The following ACACB variants were observed in gnomAD, a reference collection of about 807,000 sequenced individuals.
The protein encoded by ACACB is acetyl-CoA carboxylase beta, also known as acetyl-CoA carboxylase 2.
In ACACB, 209 loss-of-function variants were observed where a neutral mutation model predicts 278.8. The ratio of observed to expected loss-of-function variants is 0.75; its 90% confidence interval spans 0.67 to 0.84. The LOEUF is 0.84. ACACB is among the 40% of genes least tolerant of loss of function. ACACB has a pLI of 0.00. For synonymous variants in ACACB, 1,174 were observed against 1,285.6 expected, an observed-to-expected ratio of 0.91 and a Z score of 1.86; for missense variants, 2,850 against 3,269.0, an observed-to-expected ratio of 0.87 and a Z score of 3.13.
At chr12:109,214,726 C>CA (rs59107629) in intron 22 of ACACB, among the ~76,000 whole-genome samples, 2,711 of 152,276 alleles carry the variant, frequency 0.018, 96 homozygotes, top group African/African-American at 0.063. Flanking sequence ...TACTTCCCCA[C>CA]AACTCAGTGG....
At chr12:109,254,059 G>A (rs1180516072) in intron 43 of ACACB, among the ~76,000 whole-genome samples, 155 bp from the exon 44 acceptor site, 2 of 152,124 alleles carry the variant, frequency 1.3e-5, no homozygotes, top group Non-Finnish European at 2.9e-5. Context: ...GTCCTTATCT[G>A]GCATTTTCCA....
intron 13 of ACACB, 53 bp downstream of exon 13, chr12:109,188,215 TTCCTTC>T: frequency 5.7e-6 from 8 of 1,397,756 alleles, no homozygotes; most frequent in Non-Finnish European, 7.8e-6. Flanking sequence ...CCTTCCTTCC[TTCCTTC>T]CTTCCTTCCT....
In ACACB at chr12:109,145,391, C is replaced by A. The variant is rs567820203; in HGVS notation, c.653+5333C>A. Among the ~76,000 whole-genome samples the A allele has an allele frequency of 2.0e-5, 3 of 152,230 alleles. No homozygotes were observed. The East Asian group carries it at 5.8e-4, about 29-fold the overall frequency. On this transcript the variant is annotated intron_variant, in intron 2 of 52. Transcript: ENST00000338432. The stretch of plus-strand genomic sequence containing the variant: ...CCCAGTGGTGAAGCCTGGGCTTTTA[C>A]GAGCCATTGCTTGCATAGTGTACAT...
At position 109,145,836 on chromosome 12, in the gene ACACB, TA is replaced by T. The variant is rs758373369; in HGVS notation, c.653+5793del. ...CAACACGGCAAAACCCCATCTCTAC[TA>T]AAAAAAAAAAAAAATAGAAAAATTA... On this transcript the variant is annotated intron_variant, in intron 2 of 52. Coordinates refer to ENST00000338432, the MANE Select transcript of ACACB (RefSeq NM_001093.4). Among the ~76,000 whole-genome samples the T allele has an allele frequency of 5.8e-3, 787 of 134,822 alleles. 3 individuals carry two copies. Among genetic ancestry groups the T allele is most frequent in the Non-Finnish European group, 6.5e-3 (404 of 61,916 alleles). The allele number at this position is 134,822 out of a possible 152,430, so 88.4% of individuals were successfully genotyped here. A position where few individuals can be genotyped will look rare whatever the true frequency, so the allele number is the denominator to read the frequency against.
chr12:109,158,366 A>AT (rs34705590), intron 2 of ACACB, among the ~76,000 whole-genome samples: 7 of 147,808 alleles, frequency 4.7e-5, no homozygotes, highest in South Asian at 2.1e-4. Flanking sequence ...GATTCTTTTG[A>AT]TTTTTTTTTT....
intron 45 of ACACB, among the ~76,000 whole-genome samples, chr12:109,256,996 G>A (rs996474064): frequency 5.9e-5 from 9 of 152,318 alleles, no homozygotes; most frequent in Admixed American, 1.3e-4. Flanking sequence ...AGCCAGGGCC[G>A]GGCGTGGCAG....
chr12:109,187,301 C>T (rs2044695922), intron 12 of ACACB, among the ~76,000 whole-genome samples: 1 of 152,128 alleles, frequency 6.6e-6, no homozygotes, highest in South Asian at 2.1e-4. Context: ...CCTGTCTTCA[C>T]TTCTATTTAA....
chr12:109,260,567 C>G lies in ACACB; in HGVS notation c.6584C>G (p.Pro2195Arg). The change falls in exon 48 of 53, where the codon CCC (proline) becomes CGC (arginine). Residue 2195 changes from proline (P) to arginine (R), a missense_variant. Physicochemically the swap from Pro to Arg is moderately radical, Grantham distance 103. Coordinates refer to ENST00000338432, the MANE Select transcript of ACACB (RefSeq NM_001093.4). Reference sequence around the variant, plus strand: ...CAGCCCATCCTGATCTATATCCCGCCCTATGCGGAGCTCCGGGGAGGCTCC... The same window carrying G: ...CAGCCCATCCTGATCTATATCCCGCGCTATGCGGAGCTCCGGGGAGGCTCC... ...YKQPILIYIP[P>R]YAELRGGSWV... is the part of the protein sequence containing the mutation. The G allele has an allele frequency of 6.2e-7, 1 of 1,614,086 alleles. No homozygotes were observed. Among genetic ancestry groups the G allele is most frequent in the Non-Finnish European group, 8.5e-7 (1 of 1,179,984 alleles).
At chr12:109,151,945 A>G (rs1168123084) in intron 2 of ACACB, among the ~76,000 whole-genome samples, 2 of 152,186 alleles carry the variant, frequency 1.3e-5, no homozygotes, top group African/African-American at 4.8e-5. Flanking sequence ...CACCGACTGA[A>G]TATTATTCAT....
At chr12:109,118,912 A>G (rs1218528938) in intron 1 of ACACB, among the ~76,000 whole-genome samples, 5 of 152,204 alleles carry the variant, frequency 3.3e-5, no homozygotes, top group Admixed American at 6.5e-5. Flanking sequence ...TTATGACCGT[A>G]GAGTAAGGTG....
At position 109,222,585 on chromosome 12, in the gene ACACB, A is replaced by G; in HGVS notation, c.3643A>G (p.Ser1215Gly). 6.2e-7 allele frequency: 1 copy of G among 1,614,146 alleles called. No homozygotes were observed. The highest frequency in any genetic ancestry group is 8.5e-7 in the Non-Finnish European group (1 of 1,180,026). ...ILNELTQLSK[S>G]EHCKVALRAR... is the part of the protein sequence containing the mutation. ...CAACGAGCTCACTCAGCTGAGCAAA[A>G]GCGAGCACTGCAAAGTGGCCCTCAG... Residue 1215 changes from serine to glycine, a missense_variant, in exon 25 of 53, where the codon AGC becomes GGC. By Grantham distance (56) the Ser-to-Gly change is moderately conservative. Around this residue, in one of 3 missense-constraint regions of ACACB, gnomAD observed 2,265 missense variants for 2,561.3 expected, o/e 0.88. Coordinates refer to ENST00000338432, the MANE Select transcript of ACACB (RefSeq NM_001093.4).
chr12:109,166,305 C>G (rs1369716859), intron 2 of ACACB, among the ~76,000 whole-genome samples: 1 of 152,074 alleles, frequency 6.6e-6, no homozygotes, highest in East Asian at 1.9e-4. Flanking sequence ...TAAAAATTAA[C>G]TTAGGATTAA....
At chr12:109,222,103 G>T (rs2046184062) in intron 24 of ACACB, among the ~76,000 whole-genome samples, 2 of 151,780 alleles carry the variant, frequency 1.3e-5, no homozygotes. Context: ...CTGTTGCCCA[G>T]GCTGGTCTCA....
In ACACB at chr12:109,171,859, A is replaced by G. The variant is rs985802557; in HGVS notation, c.980A>G (p.Asn327Ser). 5 of 1,614,122 alleles carry G rather than the reference A, an allele frequency of 3.1e-6. No homozygotes were observed. In the South Asian group the frequency reaches 5.5e-5, roughly 18 times the overall value. Residue 327 changes from asparagine to serine, a missense_variant, in exon 5 of 53, where the codon AAC (asparagine) becomes AGC (serine). Coordinates refer to ENST00000338432, the MANE Select transcript of ACACB (RefSeq NM_001093.4). ...CCCGTCCCAGGAGGGCCCAATAACA[A>G]CAACTATGCCAACGTGGAGCTGATT... is the stretch of plus-strand genomic sequence containing the variant. ...YVPVPGGPNNNNYANVELIVD... is the reference protein window; with the variant it reads ...YVPVPGGPNNSNYANVELIVD...
intron 2 of ACACB, among the ~76,000 whole-genome samples, chr12:109,164,606 G>A (rs1178140990): frequency 6.6e-6 from 1 of 151,906 alleles, no homozygotes; most frequent in Non-Finnish European, 1.5e-5. Flanking sequence ...GTGCAATGGT[G>A]CAATCCTAGC....
intron 17 of ACACB, among the ~76,000 whole-genome samples, chr12:109,197,592 T>C (rs564145436): frequency 8.5e-5 from 13 of 152,250 alleles, no homozygotes; most frequent in African/African-American, 2.9e-4. Flanking sequence ...TTCGGGAAGA[T>C]GACACACTGA....
intron 19 of ACACB, among the ~76,000 whole-genome samples, chr12:109,202,006 C>T (rs747540532): frequency 6.6e-6 from 1 of 152,138 alleles, no homozygotes; most frequent in African/African-American, 2.4e-5. Flanking sequence ...TCCTCTGTCC[C>T]TCTCCCCATC....
chr12:109,251,230 T>C (rs538901904), intron 41 of ACACB, among the ~76,000 whole-genome samples: 1 of 152,200 alleles, frequency 6.6e-6, no homozygotes, highest in Non-Finnish European at 1.5e-5. Flanking sequence ...GGAGATTGCC[T>C]TTCCCTGGAG....
At chr12:109,253,402 A>G (rs1400645251) in intron 43 of ACACB, among the ~76,000 whole-genome samples, 1 of 152,142 alleles carries the variant, frequency 6.6e-6, no homozygotes, top group African/African-American at 2.4e-5. Context: ...ATCCTTTAGA[A>G]AGAGGTAGTA....
Sources: allele counts gnomAD v4.1 joint callset (sites outside exome capture counted in the v4.1 genomes callset), GRCh38; gene constraint gnomAD v4.1.1; regional missense constraint gnomAD v4.1.1; transcripts MANE v1.5; gene names NCBI Gene and HGNC (gene_info 2026-07-23, HGNC 2026-07-21).